The following CSMD1 variants were observed in gnomAD, a reference collection of about 807,000 sequenced individuals.
The protein encoded by CSMD1 is CUB and sushi domain-containing protein 1.
CSMD1 carries 213 observed loss-of-function variants against 417.5 expected under a neutral mutation model. The ratio of observed to expected loss-of-function variants is 0.51; its 90% CI spans 0.46 to 0.57. CSMD1 has a LOEUF of 0.57. Ranked by LOEUF, CSMD1 falls within the 20% of genes least tolerant of loss-of-function variation. The pLI is 0.00. For synonymous variants in CSMD1, 2,862 were observed against 1,736.8 expected (o/e 1.65, Z -16.11); for missense variants, 6,923 against 4,529.7 (o/e 1.53, Z -15.17).
At chr8:4,097,098 G>A (rs981067229) in intron 3 of CSMD1, among the ~76,000 whole-genome samples, 1 of 151,990 alleles carries the variant, frequency 6.6e-6, no homozygotes, top group African/African-American at 2.4e-5. Flanking sequence ...AAAGAAGCAC[G>A]GCTGTGCCTT....
intron 5 of CSMD1, among the ~76,000 whole-genome samples, chr8:3,833,134 A>G (rs530562987): frequency 1.8e-4 from 28 of 152,260 alleles, no homozygotes; most frequent in African/African-American, 5.8e-4. Flanking sequence ...ATGTCAAACG[A>G]TCAACTTCCT....
intron 1 of CSMD1, among the ~76,000 whole-genome samples, chr8:4,953,749 C>G (rs548466903): frequency 6.6e-6 from 1 of 152,222 alleles, no homozygotes; most frequent in African/African-American, 2.4e-5. Context: ...AGATCAATAC[C>G]TGTCTTTCTG....
chr8:4,147,873 G>A (rs548412696), intron 3 of CSMD1, among the ~76,000 whole-genome samples: 1 of 152,220 alleles, frequency 6.6e-6, no homozygotes, highest in Non-Finnish European at 1.5e-5. Flanking sequence ...GAGCTTCATG[G>A]AATCAGGGGC....
chr8:3,405,148 A>G (rs889719874), intron 15 of CSMD1, among the ~76,000 whole-genome samples: 4 of 152,184 alleles, frequency 2.6e-5, no homozygotes, highest in African/African-American at 9.7e-5. Flanking sequence ...ACCTGTTTAA[A>G]TCTATGCTAA....
intron 9 of CSMD1, among the ~76,000 whole-genome samples, chr8:3,577,702 A>AC (rs564189771): frequency 2.6e-4 from 40 of 152,284 alleles, no homozygotes; most frequent in Non-Finnish European, 4.9e-4. Context: ...CCTTCTTAGG[A>AC]CATTGTTGAA....
At chr8:4,236,028 T>C (rs1403688902) in intron 3 of CSMD1, among the ~76,000 whole-genome samples, 13 of 12,420 alleles carry the variant, frequency 1.0e-3, no homozygotes, top group Non-Finnish European at 0.01. Context: ...TGGATATTGT[T>C]TTTTTTGTTT....
intron 12 of CSMD1, among the ~76,000 whole-genome samples, chr8:3,462,103 T>C (rs557746491): frequency 7.0e-6 from 1 of 142,508 alleles, no homozygotes; most frequent in African/African-American, 2.7e-5. Context: ...ACCATTTGGG[T>C]GCTCTCTTCA....
At chr8:4,033,426 A>C (rs1244997909) in intron 3 of CSMD1, among the ~76,000 whole-genome samples, 1 of 152,216 alleles carries the variant, frequency 6.6e-6, no homozygotes, top group Non-Finnish European at 1.5e-5. Context: ...TGGGTGACAG[A>C]GCGAGACTCC....
chr8:3,295,809 T>A (rs1345975678), intron 25 of CSMD1, among the ~76,000 whole-genome samples: 3 of 152,194 alleles, frequency 2.0e-5, no homozygotes, highest in Non-Finnish European at 4.4e-5. Context: ...TAAATTACTT[T>A]CCCTGATCAC....
chr8:4,944,665 C>T (rs1359954940), intron 1 of CSMD1, among the ~76,000 whole-genome samples: 12 of 152,100 alleles, frequency 7.9e-5, no homozygotes, highest in Non-Finnish European at 1.2e-4. Context: ...TATTATTGAT[C>T]ATTAGAGGAA....
intron 2 of CSMD1, among the ~76,000 whole-genome samples, chr8:4,542,213 C>CG (rs1797420117): frequency 6.6e-6 from 1 of 152,076 alleles, no homozygotes; most frequent in African/African-American, 2.4e-5. Flanking sequence ...AAATATGGCA[C>CG]AACTTGTTTC....
intron 5 of CSMD1, among the ~76,000 whole-genome samples, chr8:3,772,937 G>A (rs1462184481): frequency 2.0e-5 from 3 of 152,006 alleles, no homozygotes; most frequent in African/African-American, 7.3e-5. Context: ...TCACAGTTCT[G>A]GGGTCTGGAG....
At chr8:3,386,846 C>T (rs943661383) in intron 18 of CSMD1, among the ~76,000 whole-genome samples, 5 of 152,044 alleles carry the variant, frequency 3.3e-5, no homozygotes, top group Admixed American at 3.3e-4. Context: ...GTTTTTTTGG[C>T]AAATGATTAC....
At chr8:4,321,514 G>A (rs995731706) in intron 3 of CSMD1, among the ~76,000 whole-genome samples, 15 of 152,100 alleles carry the variant, frequency 9.9e-5, no homozygotes, top group Non-Finnish European at 2.1e-4. Flanking sequence ...GCAGAGGGAT[G>A]TGTTAAGGAT....
chr8:3,475,246 A>C (rs556385980), intron 11 of CSMD1, among the ~76,000 whole-genome samples: 12 of 152,322 alleles, frequency 7.9e-5, no homozygotes, highest in Middle Eastern at 3.4e-3. Flanking sequence ...TTTCACAGAA[A>C]ACTGCTTCAA....
chr8:3,713,620 C>T (rs1164725001), intron 6 of CSMD1, among the ~76,000 whole-genome samples: 1 of 152,178 alleles, frequency 6.6e-6, no homozygotes, highest in Non-Finnish European at 1.5e-5. Flanking sequence ...TACCGTCCTT[C>T]ATTAGATAAT....
intron 5 of CSMD1, among the ~76,000 whole-genome samples, chr8:3,978,199 A>G (rs1012733974): frequency 6.6e-6 from 1 of 152,170 alleles, no homozygotes; most frequent in African/African-American, 2.4e-5. Flanking sequence ...GTTATTACCA[A>G]TGAGGTCACT....
intron 10 of CSMD1, among the ~76,000 whole-genome samples, chr8:3,555,114 C>A (rs1410400623): frequency 6.6e-6 from 1 of 152,000 alleles, no homozygotes; most frequent in African/African-American, 2.4e-5. Context: ...CAGGCAAACC[C>A]TGGCAGGCGC....
chr8:4,415,288 C>G (rs910075695), intron 3 of CSMD1, among the ~76,000 whole-genome samples: 3 of 152,200 alleles, frequency 2.0e-5, no homozygotes, highest in Admixed American at 6.5e-5. Flanking sequence ...AACCACATTG[C>G]TAAGCATTCT....
Sources: gnomAD v4.1 joint callset for allele counts (sites outside exome capture counted in the v4.1 genomes callset) on GRCh38, gnomAD v4.1.1 for gene constraint, MANE v1.5 for transcripts, NCBI Gene and HGNC (gene_info 2026-07-23, HGNC 2026-07-21) for gene names.